OGDHL: variants seen among roughly 807,000 people sequenced by gnomAD.
The protein encoded by OGDHL is oxoglutarate dehydrogenase L.
In OGDHL, 79 loss-of-function variants were observed where a neutral mutation model predicts 109.6. That is an observed-to-expected ratio of 0.72 (90% CI 0.60 to 0.87). The LOEUF (loss-of-function observed/expected upper bound fraction) is 0.87, where lower values mean the gene tolerates loss of function less well. Ranked by LOEUF, OGDHL falls within the 40% of genes least tolerant of loss-of-function variation. The pLI, the probability that OGDHL is intolerant of heterozygous loss-of-function variation, is 0.00. For missense variants in OGDHL, 1,275 were observed against 1,362.2 expected, an observed-to-expected ratio of 0.94 and a Z score of 1.01; for synonymous variants, 528 against 537.2, an observed-to-expected ratio of 0.98 and a Z score of 0.24.
At chr10:49,739,402 T>G (rs1841466626) in intron 17 of OGDHL, 1 of 439,272 alleles carries the variant, frequency 2.3e-6, no homozygotes, top group East Asian at 3.5e-5. Context: ...ATTGGAAGAG[T>G]TAACATTCAG....
chr10:49,760,203 G>A (rs1245013011), intron 1 of OGDHL, among the ~76,000 whole-genome samples: 1 of 152,230 alleles, frequency 6.6e-6, no homozygotes. Context: ...AGGGAGGAGG[G>A]AGGTGAGCTT....
rs185588838 is a variant in OGDHL at position 49,737,687 on chromosome 10, C to T, written c.2590+99G>A. The T allele has an allele frequency of 4.0e-5, 53 of 1,331,740 alleles. No homozygotes were observed. In the African/African-American group the frequency reaches 6.8e-4, roughly 17 times the overall value. The allele number at this position is 1,331,740 out of a possible 1,614,324, so 82.5% of individuals were successfully genotyped here. On this transcript the variant is annotated intron_variant, in intron 20 of 22. Coordinates refer to ENST00000374103, the MANE Select transcript of OGDHL (RefSeq NM_018245.3). ...GAGCTGCTGCAGGTCAGCAGAGCCA[C>T]AGGCAGAGGGGAGGTTGGAGAAGCC...
intron 1 of OGDHL, among the ~76,000 whole-genome samples, chr10:49,760,166 T>A (rs186947196): frequency 6.6e-6 from 1 of 151,986 alleles, no homozygotes; most frequent in East Asian, 1.9e-4. Flanking sequence ...ACAGAGAAAA[T>A]TTTCAAAACA....
intron 2 of OGDHL, 152 bp from the exon 3 acceptor site, chr10:49,757,098 T>G: frequency 1.5e-6 from 1 of 662,224 alleles, no homozygotes; most frequent in Non-Finnish European, 2.4e-6. Context: ...TACAACGATG[T>G]TCCCTGCAGA....
chr10:49,758,180 G>A (rs950767920), intron 2 of OGDHL, among the ~76,000 whole-genome samples: 7 of 152,338 alleles, frequency 4.6e-5, no homozygotes, highest in Middle Eastern at 3.4e-3. Flanking sequence ...AGCAGGACAT[G>A]GCCAGGGCCT....
In OGDHL at chr10:49,736,403, C is replaced by A. The variant is rs372808600; in HGVS notation, c.2708G>T (p.Ser903Ile). Residue 903 changes from serine to isoleucine, a missense_variant, in exon 21 of 23, where the codon AGC becomes ATC. Physicochemically the swap from Ser to Ile is moderately radical, Grantham distance 142 (BLOSUM62 -2). Coordinates refer to ENST00000374103, the MANE Select transcript of OGDHL (RefSeq NM_018245.3). ...CACTTTCTCCTCCAGGTCCTGGCTG[C>A]TCCGCTCCTTCACCAGGTCATAGTA... The part of the protein sequence containing the change: ...KVYYDLVKER[S>I]SQDLEEKVAI... The A allele has an allele frequency of 2.4e-5, 39 of 1,614,064 alleles. No individual in the cohort carries two copies. In the East Asian group the frequency reaches 3.3e-4, roughly 14 times the overall value.
chr10:49,742,856 C>G lies in OGDHL; in HGVS notation c.1984G>C (p.Gly662Arg). Residue 662 changes from glycine to arginine, a missense_variant, in exon 15 of 23, where the codon GGG (glycine) becomes CGG (arginine). Physicochemically the swap from Gly to Arg is moderately radical, Grantham distance 125. Transcript: ENST00000374103. Reference protein sequence around the residue: ...LKEGIHVRLSGQDVERGTFSH... With the variant: ...LKEGIHVRLSRQDVERGTFSH... Reference sequence around the variant, plus strand: ...AATGTGCCCCTCTCCACATCCTGCCCGCTGAGCCGCACGTGGATGCCTTCC... The same window carrying G: ...AATGTGCCCCTCTCCACATCCTGCCGGCTGAGCCGCACGTGGATGCCTTCC... 1 of 1,613,656 alleles carries G rather than the reference C, an allele frequency of 6.2e-7. No individual in the cohort carries two copies. Among genetic ancestry groups the G allele is most frequent in the Non-Finnish European group, 8.5e-7 (1 of 1,179,902 alleles).
intron 3 of OGDHL, among the ~76,000 whole-genome samples, chr10:49,754,039 A>G (rs1040038539): frequency 3.3e-5 from 5 of 152,234 alleles, no homozygotes; most frequent in African/African-American, 9.6e-5. Context: ...TGACAGGGTC[A>G]AGGACAAACC....
In OGDHL at chr10:49,735,341, G is replaced by A. The variant is rs534879619; in HGVS notation, c.2920C>T (p.Arg974Trp). 7.4e-6 allele frequency: 12 copies of A among 1,612,966 alleles called. No individual in the cohort carries two copies. Among genetic ancestry groups the A allele is most frequent in the African/African-American group, 4.0e-5 (3 of 75,034 alleles). Residue 974 changes from arginine to tryptophan, a missense_variant, in exon 23 of 23, where the codon CGG (arginine) becomes TGG (tryptophan). Physicochemically the swap from Arg to Trp is moderately radical, Grantham distance 101 (BLOSUM62 -3). Coordinates refer to ENST00000374103, the MANE Select transcript of OGDHL (RefSeq NM_018245.3). ...GTGGCTGGTGCAGCCGCTGGGTCCCGGCCAACATACCTGGAGGAGGAGAGA... is the reference window on the plus strand; with the variant it reads ...GTGGCTGGTGCAGCCGCTGGGTCCCAGCCAACATACCTGGAGGAGGAGAGA... ...RRARPIWYVGRDPAAAPATGN... is the reference protein window; with the variant it reads ...RRARPIWYVGWDPAAAPATGN...
At chr10:49,744,785 C>T in intron 12 of OGDHL, 33 bp from the exon 13 acceptor site, 1 of 1,572,098 alleles carries the variant, frequency 6.4e-7, no homozygotes. Context: ...GACAGAGCAC[C>T]AAAGCCCTGC....
intron 16 of OGDHL, among the ~76,000 whole-genome samples, chr10:49,740,185 G>A (rs181490829): frequency 2.0e-5 from 3 of 152,282 alleles, no homozygotes; most frequent in African/African-American, 7.2e-5. Flanking sequence ...ATCTGCCTGG[G>A]GGCGGGGGGC....
chr10:49,746,141 C>T (rs568914978), intron 10 of OGDHL, among the ~76,000 whole-genome samples, 164 bp from the exon 11 acceptor site: 3 of 152,130 alleles, frequency 2.0e-5, no homozygotes, highest in Admixed American at 6.5e-5. Flanking sequence ...CAATTAGACA[C>T]GGCAACAGCT....
Position 49,742,837 on chromosome 10 carries a change from C to T in OGDHL, c.2003G>A (p.Gly668Asp). Residue 668 changes from glycine (G) to aspartate (D), a missense_variant, in exon 15 of 23, where the codon GGC (glycine) becomes GAC (aspartate). Coordinates refer to ENST00000374103, the MANE Select transcript of OGDHL (RefSeq NM_018245.3). ...GCCCCACTGCGCTCACCTGAATGTG[C>T]CCCTCTCCACATCCTGCCCGCTGAG... ...VRLSGQDVER[G>D]TFSHRHHVLH... 1 of 1,612,578 alleles carries T rather than the reference C, an allele frequency of 6.2e-7. No homozygotes were observed.
chr10:49,740,831 C>G lies in OGDHL; in HGVS notation c.2019G>C (p.Arg673=), dbSNP rs1323293590. 6.2e-7 allele frequency: 1 copy of G among 1,613,840 alleles called. No individual in the cohort carries two copies. Among genetic ancestry groups the G allele is most frequent in the East Asian group, 2.2e-5 (1 of 44,872 alleles). ...CCTCCTGGTCATGGAGAACATGGTG[C>G]CGGTGACTGCAGAGACACAGACCGG... ...QDVERGTFSH[R]HHVLHDQEVD... The change falls in exon 16 of 23, where the codon CGG becomes CGC. Residue 673 remains arginine, a synonymous_variant. Transcript: ENST00000374103.
chr10:49,753,642 G>A (rs1428868593), intron 3 of OGDHL, among the ~76,000 whole-genome samples: 1 of 152,276 alleles, frequency 6.6e-6, no homozygotes, highest in East Asian at 1.9e-4. Context: ...TGTAATCCTA[G>A]CACTTTGGGA....
In OGDHL at chr10:49,737,978, C is replaced by T. The variant is rs774307179; in HGVS notation, c.2486G>A (p.Arg829His). The T allele has an allele frequency of 8.7e-6, 14 of 1,614,044 alleles. No individual in the cohort carries two copies. Among genetic ancestry groups the T allele is most frequent in the Non-Finnish European group, 1.0e-5 (12 of 1,180,040 alleles). Residue 829 changes from arginine (R) to histidine (H), a missense_variant, in exon 19 of 23, where the codon CGC becomes CAC. Arg to His is a conservative substitution (Grantham distance 29). Coordinates refer to ENST00000374103, the MANE Select transcript of OGDHL (RefSeq NM_018245.3). ...STPANYFHVL[R>H]RQILLPFRKP... ...GCGGAAGGGCAGCAGGATCTGCCGG[C>T]GCAGCACGTGGAAGTAGTTGGCCGG... is the stretch of plus-strand genomic sequence containing the variant.
chr10:49,754,165 C>G (rs970891620), intron 3 of OGDHL, among the ~76,000 whole-genome samples: 1 of 152,194 alleles, frequency 6.6e-6, no homozygotes. Flanking sequence ...AGCCAGAGAC[C>G]TGGACAGTTC....
At chr10:49,750,659 C>T (rs1236213437) in intron 7 of OGDHL, among the ~76,000 whole-genome samples, 180 bp downstream of exon 7, 1 of 152,180 alleles carries the variant, frequency 6.6e-6, no homozygotes, top group Non-Finnish European at 1.5e-5. Flanking sequence ...TGACTCTGGC[C>T]AAGTACCCGG....
intron 7 of OGDHL, among the ~76,000 whole-genome samples, chr10:49,750,498 C>A (rs973734432): frequency 6.6e-6 from 1 of 152,210 alleles, no homozygotes; most frequent in Non-Finnish European, 1.5e-5. Flanking sequence ...GCCCTCCCTT[C>A]CCTGGAAGAA....
Sources: allele counts gnomAD v4.1 joint callset (sites outside exome capture counted in the v4.1 genomes callset), GRCh38; gene constraint gnomAD v4.1.1; transcripts MANE v1.5; gene names NCBI Gene and HGNC (gene_info 2026-07-23, HGNC 2026-07-21).